Variants in DUSP22 observed in about 807,000 individuals in gnomAD.
DUSP22 encodes dual specificity phosphatase 22.
DUSP22 carries 24 observed loss-of-function variants against 24.5 expected under a neutral mutation model. The observed-to-expected ratio is 0.98, with a 90% CI of 0.71 to 1.38. The LOEUF is 1.38. Ranked by LOEUF, DUSP22 falls within the 40% of genes most tolerant of loss-of-function variation. DUSP22 has a pLI of 0.00. For missense variants in DUSP22, 330 were observed against 269.2 expected, an observed-to-expected ratio of 1.23 and a Z score of -1.58; for synonymous variants, 160 against 106.4, an observed-to-expected ratio of 1.50 and a Z score of -3.10.
At chr6:329,987 G>A (rs567578613) in intron 3 of DUSP22, among the ~76,000 whole-genome samples, 2 of 152,280 alleles carry the variant, frequency 1.3e-5, no homozygotes, top group Admixed American at 6.5e-5. Flanking sequence ...TCGCTGGCTG[G>A]TTTCGCTCAG....
intron 1 of DUSP22, among the ~76,000 whole-genome samples, chr6:296,984 G>A (rs1489825580): frequency 6.6e-6 from 1 of 152,298 alleles, no homozygotes; most frequent in East Asian, 1.9e-4. Context: ...TGTCCTTCTC[G>A]GGAAGCCTCT....
intron 5 of DUSP22, 147 bp from the exon 6 acceptor site, chr6:347,956 C>T (rs1759960062): frequency 3.4e-6 from 4 of 1,186,604 alleles, no homozygotes; most frequent in Non-Finnish European, 4.8e-6. Context: ...GAGTGGCTTC[C>T]TGGTGGCGAG....
intron 1 of DUSP22, among the ~76,000 whole-genome samples, chr6:297,575 T>C (rs1757396642): frequency 1.3e-5 from 2 of 152,306 alleles, no homozygotes; most frequent in African/African-American, 2.4e-5. Flanking sequence ...ATCTCAGATC[T>C]TCACCCAATA....
intron 3 of DUSP22, among the ~76,000 whole-genome samples, chr6:329,195 C>A (rs1759024542): frequency 6.6e-6 from 1 of 152,308 alleles, no homozygotes; most frequent in Non-Finnish European, 1.5e-5. Flanking sequence ...GGTCTACGAT[C>A]TTCAAGAGTG....
In DUSP22 at chr6:295,430, A is replaced by G. The variant is rs370422093; in HGVS notation, c.21+2870A>G. 4.7e-4 allele frequency among the ~76,000 whole-genome samples: 71 copies of G among 152,380 alleles called. No individual in the cohort carries two copies. In the South Asian group the frequency reaches 0.014, roughly 31 times the overall value. On this transcript the variant is annotated intron_variant, in intron 1 of 6. Transcript: ENST00000419235. The stretch of plus-strand genomic sequence containing the variant: ...GTTAGGTGTACGCAGCAGATTATAC[A>G]GAAGATGGAGGGGAAAAAGGCTTTT...
At chr6:340,564 T>G (rs1461244208) in intron 4 of DUSP22, among the ~76,000 whole-genome samples, 2 of 152,428 alleles carry the variant, frequency 1.3e-5, no homozygotes, top group South Asian at 4.1e-4. Context: ...TATTTACATA[T>G]GTAATGTATA....
At chr6:306,515 C>T (rs1449412151) in intron 2 of DUSP22, among the ~76,000 whole-genome samples, 1 of 152,302 alleles carries the variant, frequency 6.6e-6, no homozygotes, top group Non-Finnish European at 1.5e-5. Flanking sequence ...ACCACCTCTC[C>T]TTGTTCATAG....
At chr6:299,616 C>G (rs1003535384) in intron 1 of DUSP22, among the ~76,000 whole-genome samples, 3 of 152,308 alleles carry the variant, frequency 2.0e-5, no homozygotes, top group Non-Finnish European at 4.4e-5. Flanking sequence ...GTCTCCTGGT[C>G]TGAAACATGA....
chr6:312,293 T>C (rs1447991906), intron 3 of DUSP22, among the ~76,000 whole-genome samples: 1 of 152,310 alleles, frequency 6.6e-6, no homozygotes, highest in African/African-American at 2.4e-5. Flanking sequence ...ATCTCTGGTT[T>C]TAAAATCCAA....
rs545846043 is a variant in DUSP22 at position 302,974 on chromosome 6, G to A, written c.22-1654G>A. Among the ~76,000 whole-genome samples, 19 of 152,418 alleles carry A rather than the reference G, an allele frequency of 1.2e-4. No homozygotes were observed. The South Asian group carries it at 1.4e-3, about 12-fold the overall frequency. On this transcript the variant is annotated intron_variant, in intron 1 of 6. Coordinates refer to ENST00000419235, the MANE Select transcript of DUSP22 (RefSeq NM_001286555.3). ...GGATACGCTTAGCAGGTCTCTGCTC[G>A]CACTGGACTCGGTCGGGCAAGGACC...
intron 3 of DUSP22, among the ~76,000 whole-genome samples, chr6:318,846 A>G (rs1033515323): frequency 3.3e-5 from 5 of 152,304 alleles, no homozygotes; most frequent in Admixed American, 1.3e-4. Context: ...GTTCATCCAT[A>G]TTAAGGAATA....
chr6:318,427 C>T (rs1397643186), intron 3 of DUSP22, among the ~76,000 whole-genome samples: 2 of 152,308 alleles, frequency 1.3e-5, no homozygotes, highest in Non-Finnish European at 2.9e-5. Flanking sequence ...AAGGGAGAGC[C>T]TCATTGCCTG....
intron 3 of DUSP22, among the ~76,000 whole-genome samples, chr6:328,466 T>C (rs1026763213): frequency 2.9e-4 from 44 of 152,296 alleles, no homozygotes; most frequent in Non-Finnish European, 4.8e-4. Context: ...GTCAAATGCA[T>C]GTCGGTTTTT....
At chr6:313,739 G>A (rs1006935033) in intron 3 of DUSP22, among the ~76,000 whole-genome samples, 2 of 152,300 alleles carry the variant, frequency 1.3e-5, no homozygotes, top group African/African-American at 2.4e-5. Context: ...GTAGCATAAT[G>A]TATTAGTATT....
chr6:327,460 T>C, intron 3 of DUSP22, among the ~76,000 whole-genome samples: 1 of 152,424 alleles, frequency 6.6e-6, no homozygotes, highest in South Asian at 2.1e-4. Context: ...AATTCTGAAA[T>C]GGCATGTCCC....
intron 3 of DUSP22, chr6:325,521 G>A: frequency 6.4e-6 from 1 of 155,404 alleles, no homozygotes; most frequent in South Asian, 1.3e-4. Flanking sequence ...TCTGCCCTGG[G>A]CTTCCGCGTC....
intron 1 of DUSP22, among the ~76,000 whole-genome samples, chr6:302,900 C>G (rs1165271710): frequency 6.6e-6 from 1 of 152,308 alleles, no homozygotes; most frequent in Non-Finnish European, 1.5e-5. Flanking sequence ...CTCAGGGGAA[C>G]TGGATTAGAC....
chr6:311,028 G>A (rs1332262123), intron 2 of DUSP22, among the ~76,000 whole-genome samples: 2 of 152,306 alleles, frequency 1.3e-5, no homozygotes, highest in Non-Finnish European at 1.5e-5. Flanking sequence ...CTTGGGGAGT[G>A]CCCCGGAGAG....
intron 6 of DUSP22, 22 bp downstream of exon 6, chr6:348,296 T>A (rs200179228): frequency 3.4e-4 from 542 of 1,613,526 alleles, no homozygotes; most frequent in Non-Finnish European, 4.2e-4. Flanking sequence ...TTAGGGGACA[T>A]CAGAGATGCA....
Sources: allele counts gnomAD v4.1 joint callset (sites outside exome capture counted in the v4.1 genomes callset), GRCh38; gene constraint gnomAD v4.1.1; transcripts MANE v1.5; gene names NCBI Gene and HGNC (gene_info 2026-07-23, HGNC 2026-07-21).